IFNLR1: variants seen among roughly 807,000 people sequenced by gnomAD.
The protein encoded by IFNLR1 is interferon lambda receptor 1, also known as CRF2-12.
In IFNLR1, 28 loss-of-function variants were observed where a neutral mutation model predicts 52.5. The observed-to-expected ratio is 0.53, with a 90% CI of 0.40 to 0.73. The LOEUF (loss-of-function observed/expected upper bound fraction) is 0.73, where lower values mean the gene tolerates loss of function less well. IFNLR1 is among the 30% of genes least tolerant of loss of function. The probability of loss-of-function intolerance (pLI) is 0.00; values close to 1 mark genes in which losing one functional copy is unlikely to be tolerated. For missense variants in IFNLR1, 623 were observed against 659.1 expected, an observed-to-expected ratio of 0.95 and a Z score of 0.60; for synonymous variants, 276 against 274.9, an observed-to-expected ratio of 1.00 and a Z score of -0.04.
intron 3 of IFNLR1, among the ~76,000 whole-genome samples, chr1:24,166,176 CCCATCCATCCAT>C (rs143399355): frequency 8.0e-5 from 12 of 149,466 alleles, no homozygotes; most frequent in Non-Finnish European, 1.6e-4. Context: ...TCCTTTCCTT[CCCATCCATCCAT>C]CCATCCATCC....
chr1:24,172,931 T>C (rs1644596109), intron 2 of IFNLR1, among the ~76,000 whole-genome samples: 1 of 152,124 alleles, frequency 6.6e-6, no homozygotes, highest in African/African-American at 2.4e-5. Flanking sequence ...TTCCTCTTCT[T>C]ATAAAGACAC....
intron 2 of IFNLR1, among the ~76,000 whole-genome samples, chr1:24,172,068 G>A (rs1644586672): frequency 6.6e-6 from 1 of 151,664 alleles, no homozygotes; most frequent in African/African-American, 2.4e-5. Flanking sequence ...GCCTCCCTAA[G>A]TGCTGTGATT....
In IFNLR1 at chr1:24,155,805, C is replaced by G. The variant is rs1200749554; in HGVS notation, c.*1325G>C. 6.6e-6 allele frequency: 1 copy of G among 152,230 alleles called. No homozygotes were observed. The allele number at this position is 152,230 out of a possible 1,614,324, so 9.4% of individuals were successfully genotyped here. A position where few individuals can be genotyped will look rare whatever the true frequency, so the allele number is the denominator to read the frequency against. ...CCACAGAGCCAAGGTTGTTCAGATA[C>G]TCCACCACAAAACACTTCGGTCCTA... On this transcript the variant is annotated 3_prime_UTR_variant, in exon 7 of 7. Coordinates refer to ENST00000327535, the MANE Select transcript of IFNLR1 (RefSeq NM_170743.4).
At chr1:24,186,280 C>T (rs1469678131) in intron 1 of IFNLR1, among the ~76,000 whole-genome samples, 2 of 152,062 alleles carry the variant, frequency 1.3e-5, no homozygotes, top group Non-Finnish European at 2.9e-5. Flanking sequence ...TTGCTTTAGC[C>T]CCTCTTCTCT....
At chr1:24,160,078 C>T (rs1644426648) in intron 4 of IFNLR1, among the ~76,000 whole-genome samples, 1 of 152,208 alleles carries the variant, frequency 6.6e-6, no homozygotes, top group South Asian at 2.1e-4. Context: ...GAGTTCTTTT[C>T]AGCTGAGTCT....
At chr1:24,171,973 A>G (rs1241115016) in intron 2 of IFNLR1, among the ~76,000 whole-genome samples, 2 of 151,940 alleles carry the variant, frequency 1.3e-5, no homozygotes, top group Non-Finnish European at 2.9e-5. Flanking sequence ...AGCTAATTTT[A>G]AAAAAATATT....
At chr1:24,184,385 A>G (rs1644718131) in intron 1 of IFNLR1, among the ~76,000 whole-genome samples, 1 of 152,074 alleles carries the variant, frequency 6.6e-6, no homozygotes, top group South Asian at 2.1e-4. Context: ...ATCTGATTAC[A>G]CCACTCCCCA....
At chr1:24,169,711 T>C (rs761601181) in intron 2 of IFNLR1, 110 bp from the exon 3 acceptor site, 9 of 1,147,092 alleles carry the variant, frequency 7.8e-6, no homozygotes, top group Non-Finnish European at 1.1e-5. Context: ...TGACTTTAGG[T>C]CCATCCGTCC....
At chr1:24,180,691 C>CCCCCCCACA in intron 2 of IFNLR1, 40 bp downstream of exon 2, 1 of 1,437,894 alleles carries the variant, frequency 7.0e-7, no homozygotes. Flanking sequence ...CACCCACCCC[C>CCCCCCCACA]TCAGTCTTCC....
Position 24,159,524 on chromosome 1 carries a change from G to T in IFNLR1, c.620C>A (p.Pro207Gln). 1 of 1,614,076 alleles carries T rather than the reference G, an allele frequency of 6.2e-7. No homozygotes were observed. Residue 207 changes from proline to glutamine, a missense_variant, in exon 5 of 7, where the codon CCG (proline) becomes CAG (glutamine). Pro to Gln is a moderately conservative substitution (Grantham distance 76). Transcript: ENST00000327535. ...GGGCTTAGAGAACTTGCTGTATTTCGGGACACTGAACGTGTAGATGGTTCT... is the reference window on the plus strand; with the variant it reads ...GGGCTTAGAGAACTTGCTGTATTTCTGGACACTGAACGTGTAGATGGTTCT... The part of the protein sequence containing the change: ...SARTIYTFSV[P>Q]KYSKFSKPTC...
At chr1:24,169,295 G>A (rs1348675069) in intron 3 of IFNLR1, 122 bp downstream of exon 3, 30 of 882,638 alleles carry the variant, frequency 3.4e-5, no homozygotes, top group Non-Finnish European at 4.7e-5. Flanking sequence ...GGCCCAGGGA[G>A]CTGCCCTCTG....
intron 3 of IFNLR1, among the ~76,000 whole-genome samples, chr1:24,162,871 CTT>C (rs1644473896): frequency 1.3e-5 from 1 of 75,476 alleles, no homozygotes; most frequent in Non-Finnish European, 2.6e-5. Context: ...TTCTTTCTTT[CTT>C]TCTTTCCTTC....
rs747944327 is a variant in IFNLR1, at chr1:24,157,334, G to A, written c.1359C>T (p.Thr453=). ...GGACCAGATTCGGCTCCGGTGGTAAGGTGCCCCAGGTGGCCCAGGAGGAGA... is the reference window on the plus strand; with the variant it reads ...GGACCAGATTCGGCTCCGGTGGTAAAGTGCCCCAGGTGGCCCAGGAGGAGA... ...DNLSSWATWG[T]LPPEPNLVPG... Residue 453 remains threonine (T), a synonymous_variant, in exon 7 of 7, where the codon ACC becomes ACT. Transcript: ENST00000327535. This position sits in a 1 kb window ranked among gnomAD's most constrained non-coding sequence, Gnocchi z 5.1. 1 of 1,614,074 alleles carries A rather than the reference G, an allele frequency of 6.2e-7. No individual in the cohort carries two copies. The highest frequency in any genetic ancestry group is 1.3e-5 in the African/African-American group (1 of 74,938).
chr1:24,187,152 G>A, intron 1 of IFNLR1, 39 bp downstream of exon 1: 4 of 1,305,202 alleles, frequency 3.1e-6, no homozygotes, highest in Non-Finnish European at 3.0e-6. Flanking sequence ...GGCCCGGGGA[G>A]CCCTCTTCCC....
rs1237521797 is a variant in IFNLR1, at chr1:24,161,670, G to C, written c.382C>G (p.Pro128Ala). 1 of 1,509,748 alleles carries C rather than the reference G, an allele frequency of 6.6e-7. No homozygotes were observed. The highest frequency in any genetic ancestry group is 8.9e-7 in the Non-Finnish European group (1 of 1,123,628). 93.5% of individuals were successfully genotyped at this position (1,509,748 alleles called of 1,614,324 possible). A position where few individuals can be genotyped will look rare whatever the true frequency, so the allele number is the denominator to read the frequency against. The change falls in exon 4 of 7, where the codon CCT becomes GCT. Residue 128 changes from proline (P) to alanine (A), a missense_variant. Coordinates refer to ENST00000327535, the MANE Select transcript of IFNLR1 (RefSeq NM_170743.4). Reference protein sequence around the residue: ...DYLFEVEPAPPVLVLTQTEEI... With the variant: ...DYLFEVEPAPAVLVLTQTEEI... Reference sequence around the variant, plus strand: ...TCCGTCTGGGTGAGCACCAGGACAGGTGGGGCCGGCTCCACTGCAGAAACA... The same window carrying C: ...TCCGTCTGGGTGAGCACCAGGACAGCTGGGGCCGGCTCCACTGCAGAAACA...
rs1219017971 is a variant in IFNLR1 at position 24,156,969 on chromosome 1, C to T, written c.*161G>A. ...CACAGGAGGGAGGGGCATCTTGTTGCTCAGCCCGACAGGCAAACAGCCGCT... is the reference window on the plus strand; with the variant it reads ...CACAGGAGGGAGGGGCATCTTGTTGTTCAGCCCGACAGGCAAACAGCCGCT... On this transcript the variant is annotated 3_prime_UTR_variant, in exon 7 of 7. Transcript: ENST00000327535. The T allele has an allele frequency of 5.3e-6, 4 of 752,034 alleles. No homozygotes were observed. Among genetic ancestry groups the T allele is most frequent in the Non-Finnish European group, 8.6e-6 (4 of 463,966 alleles). 46.6% of individuals were successfully genotyped at this position (752,034 alleles called of 1,614,324 possible).
chr1:24,169,763 G>A (rs1240398062), intron 2 of IFNLR1, among the ~76,000 whole-genome samples, 162 bp from the exon 3 acceptor site: 3 of 152,198 alleles, frequency 2.0e-5, no homozygotes, highest in Non-Finnish European at 4.4e-5. Flanking sequence ...GAACAGCCTG[G>A]TCAGGAGCTC....
intron 3 of IFNLR1, among the ~76,000 whole-genome samples, chr1:24,162,045 CCA>C (rs1644449199): frequency 6.6e-6 from 1 of 152,182 alleles, no homozygotes; most frequent in South Asian, 2.1e-4. Context: ...TAACAAATTA[CCA>C]CACACACAGT....
At position 24,169,617 on chromosome 1, in the gene IFNLR1, G is replaced by A; in HGVS notation, c.183-16C>T. ...GGTGGGAGAGCTGGGGGAGGAGAGA[G>A]GAGAGCTTGGGCCATGGACTCAGCC... On this transcript the variant is annotated splice_polypyrimidine_tract_variant and intron_variant, in intron 2 of 6. Transcript: ENST00000327535. The A allele has an allele frequency of 6.2e-7, 1 of 1,608,346 alleles. No homozygotes were observed. The highest frequency in any genetic ancestry group is 2.2e-5 in the East Asian group (1 of 44,860).
Sources: gnomAD v4.1 joint callset for allele counts (sites outside exome capture counted in the v4.1 genomes callset) on GRCh38, gnomAD v4.1.1 for gene constraint, Gnocchi (gnomAD v3.1) non-coding constraint, MANE v1.5 for transcripts, NCBI Gene and HGNC (gene_info 2026-07-23, HGNC 2026-07-21) for gene names.